CCDC178: variants seen among roughly 807,000 people sequenced by gnomAD.
CCDC178 encodes the protein coiled-coil domain containing 178.
A neutral mutation model predicts 117.4 loss-of-function variants in CCDC178; 126 were observed. That is an observed-to-expected ratio of 1.07 (90% CI 0.93 to 1.24). The LOEUF (loss-of-function observed/expected upper bound fraction) is 1.24, where lower values mean the gene tolerates loss of function less well. Among genes scored for constraint, CCDC178 ranks in the 50% most tolerant of loss-of-function variants. CCDC178 has a pLI of 0.00. For missense variants in CCDC178, 1,030 were observed against 986.9 expected, an observed-to-expected ratio of 1.04 and a Z score of -0.59; for synonymous variants, 283 against 313.4, an observed-to-expected ratio of 0.90 and a Z score of 1.02.
At chr18:33,272,640 A>C (rs1349786764) in intron 12 of CCDC178, among the ~76,000 whole-genome samples, 2 of 151,620 alleles carry the variant, frequency 1.3e-5, no homozygotes, top group South Asian at 4.1e-4. Context: ...TTAGACACAA[A>C]AATCCTTAAC....
At chr18:33,009,284 A>C (rs1173473902) in intron 21 of CCDC178, among the ~76,000 whole-genome samples, 2 of 151,982 alleles carry the variant, frequency 1.3e-5, no homozygotes, top group Non-Finnish European at 2.9e-5. Flanking sequence ...ATTAAACCAT[A>C]ATTTGGATTT....
intron 2 of CCDC178, among the ~76,000 whole-genome samples, chr18:33,432,300 T>C (rs1336509408): frequency 8.6e-6 from 1 of 116,562 alleles, no homozygotes; most frequent in African/African-American, 3.2e-5. Context: ...AAGTGTGGTG[T>C]TCTTTACATA....
chr18:33,068,431 G>T (rs2057055632), intron 21 of CCDC178, among the ~76,000 whole-genome samples: 1 of 152,004 alleles, frequency 6.6e-6, no homozygotes, highest in Non-Finnish European at 1.5e-5. Flanking sequence ...CAAAATACTA[G>T]CAAACTCAAT....
At chr18:33,383,565 A>G (rs373687093) in intron 5 of CCDC178, among the ~76,000 whole-genome samples, 2 of 152,104 alleles carry the variant, frequency 1.3e-5, no homozygotes, top group East Asian at 1.9e-4. Flanking sequence ...GGTGCTACCC[A>G]GGCAAACAGA....
At chr18:33,256,367 A>T (rs2059680053) in intron 14 of CCDC178, among the ~76,000 whole-genome samples, 1 of 152,090 alleles carries the variant, frequency 6.6e-6, no homozygotes, top group Non-Finnish European at 1.5e-5. Context: ...AGGGCAGAAG[A>T]GGTTGAGACC....
At chr18:32,987,819 T>C (rs1046170318) in intron 21 of CCDC178, among the ~76,000 whole-genome samples, 7 of 152,206 alleles carry the variant, frequency 4.6e-5, no homozygotes, top group African/African-American at 1.7e-4. Context: ...TACATTTGGC[T>C]GGGTGCAGTG....
intron 21 of CCDC178, among the ~76,000 whole-genome samples, chr18:32,978,738 A>G (rs369726581): frequency 3.3e-5 from 5 of 152,308 alleles, no homozygotes; most frequent in East Asian, 1.9e-4. Context: ...AAAGATAGCT[A>G]TAAGAGTTAG....
intron 21 of CCDC178, among the ~76,000 whole-genome samples, chr18:33,063,265 C>T (rs760098380): frequency 6.6e-6 from 1 of 152,120 alleles, no homozygotes; most frequent in South Asian, 2.1e-4. Flanking sequence ...CTGCCTATCA[C>T]CATGGGTGCC....
intron 6 of CCDC178, 138 bp downstream of exon 6, chr18:33,369,912 G>A: frequency 1.5e-6 from 1 of 658,796 alleles, no homozygotes; most frequent in Non-Finnish European, 2.4e-6. Context: ...AGTAAATGAT[G>A]CAACTGAGCA....
chr18:33,333,396 T>C lies in CCDC178; in HGVS notation c.659-2A>G. The stretch of plus-strand genomic sequence containing the variant: ...CATCACTCAAATAGGCCTCATGTTC[T>C]AGATATAGAAGGATAAGAACAAAAG... On this transcript the variant is annotated splice_acceptor_variant, in intron 9 of 22. Coordinates refer to ENST00000383096, the MANE Select transcript of CCDC178 (RefSeq NM_001105528.4). LOFTEE classifies it high-confidence loss of function. 6.5e-7 allele frequency: 1 copy of C among 1,536,966 alleles called. No individual in the cohort carries two copies. The highest frequency in any genetic ancestry group is 8.9e-7 in the Non-Finnish European group (1 of 1,119,990).
chr18:33,295,897 A>G (rs997687533), intron 11 of CCDC178, among the ~76,000 whole-genome samples: 1 of 152,204 alleles, frequency 6.6e-6, no homozygotes, highest in African/African-American at 2.4e-5. Flanking sequence ...TTAAACTTAC[A>G]GTCAACGTAC....
chr18:33,247,698 CTT>C (rs2059567706), intron 14 of CCDC178, among the ~76,000 whole-genome samples: 1 of 151,662 alleles, frequency 6.6e-6, no homozygotes, highest in Non-Finnish European at 1.5e-5. Flanking sequence ...CTTGTGTAAA[CTT>C]TTTGTGTTTA....
intron 20 of CCDC178, among the ~76,000 whole-genome samples, chr18:33,190,071 T>C (rs550048434): frequency 1.3e-5 from 2 of 152,250 alleles, no homozygotes; most frequent in Non-Finnish European, 2.9e-5. Context: ...ACAACAAAGG[T>C]AGCTGACACC....
intron 4 of CCDC178, among the ~76,000 whole-genome samples, chr18:33,396,763 A>T (rs2063642820): frequency 6.6e-6 from 1 of 152,158 alleles, no homozygotes. Context: ...AAGCCCAGGT[A>T]GTGGATGGCA....
At chr18:33,001,968 A>G (rs2055644714) in intron 21 of CCDC178, among the ~76,000 whole-genome samples, 4 of 152,252 alleles carry the variant, frequency 2.6e-5, no homozygotes, top group Admixed American at 1.3e-4. Flanking sequence ...AGGTCAATTA[A>G]GCAAGAGAAT....
At chr18:33,007,157 T>C (rs1773045537) in intron 21 of CCDC178, among the ~76,000 whole-genome samples, 1 of 152,054 alleles carries the variant, frequency 6.6e-6, no homozygotes, top group Non-Finnish European at 1.5e-5. Flanking sequence ...CAGCATTTCC[T>C]ACATAGAGGC....
At position 33,041,711 on chromosome 18, in the gene CCDC178, A is replaced by T. The variant is rs537852648; in HGVS notation, c.2388+51050T>A. Among the ~76,000 whole-genome samples, 148 of 151,860 alleles carry T rather than the reference A, an allele frequency of 9.7e-4. 1 individual carries two copies. Among genetic ancestry groups the T allele is most frequent in the Middle Eastern group, 6.9e-3 (2 of 288 alleles). ...CCTCCCCAAACAGTTTTACTTAAAA[A>T]TTTTAGACACATTCTTATAAAATCA... is the stretch of plus-strand genomic sequence containing the variant. On this transcript the variant is annotated intron_variant, in intron 21 of 22. Transcript: ENST00000383096.
intron 9 of CCDC178, among the ~76,000 whole-genome samples, chr18:33,341,097 C>T (rs941569793): frequency 2.0e-5 from 3 of 152,158 alleles, no homozygotes; most frequent in African/African-American, 7.2e-5. Flanking sequence ...GGTGCAGCTG[C>T]CTAAGACTGT....
chr18:33,260,526 C>T (rs908668939), intron 14 of CCDC178, among the ~76,000 whole-genome samples: 1 of 149,720 alleles, frequency 6.7e-6, no homozygotes, highest in Non-Finnish European at 1.5e-5. Flanking sequence ...ATCAATTTAT[C>T]TTCTCAGATA....
Sources: allele counts gnomAD v4.1 joint callset (sites outside exome capture counted in the v4.1 genomes callset), GRCh38; gene constraint gnomAD v4.1.1; transcripts MANE v1.5; gene names NCBI Gene and HGNC (gene_info 2026-07-23, HGNC 2026-07-21).